Variants in MXRA7 observed in about 807,000 individuals in gnomAD.
MXRA7 encodes the protein matrix remodeling associated 7.
A neutral mutation model predicts 17.4 loss-of-function variants in MXRA7; 18 were observed. That is an observed-to-expected ratio of 1.03 (90% confidence interval 0.71 to 1.53). The LOEUF (loss-of-function observed/expected upper bound fraction) is 1.53, where lower values mean the gene tolerates loss of function less well. Ranked by LOEUF, MXRA7 falls within the 40% of genes most tolerant of loss-of-function variation. The pLI is 0.00. For missense variants in MXRA7, 141 were observed against 209.3 expected, an observed-to-expected ratio of 0.67 and a Z score of 2.01; for synonymous variants, 70 against 101.7, an observed-to-expected ratio of 0.69 and a Z score of 1.87.
intron 1 of MXRA7, among the ~76,000 whole-genome samples, chr17:76,704,061 C>T (rs140136399): frequency 0.021 from 3,219 of 151,306 alleles, 115 homozygotes; most frequent in East Asian, 0.13. Flanking sequence ...TAAGATTGTG[C>T]CACTGCGCTC....
chr17:76,680,588 C>T lies in MXRA7; in HGVS notation c.*279G>A. 8.3e-7 allele frequency: 1 copy of T among 1,203,198 alleles called. No individual in the cohort carries two copies. Among genetic ancestry groups the T allele is most frequent in the Non-Finnish European group, 1.0e-6 (1 of 967,024 alleles). 74.5% of individuals were successfully genotyped at this position (1,203,198 alleles called of 1,614,324 possible). A position where few individuals can be genotyped will look rare whatever the true frequency, so the allele number is the denominator to read the frequency against. On this transcript the variant is annotated 3_prime_UTR_variant, in exon 4 of 4. Coordinates refer to ENST00000449428, the MANE Select transcript of MXRA7 (RefSeq NM_198530.4). ...TTGAGTGGTAAGAAAAATCCCAGTCCAGGGTCTGAGCTCTACCTCTTAAAA... is the reference window on the plus strand; with the variant it reads ...TTGAGTGGTAAGAAAAATCCCAGTCTAGGGTCTGAGCTCTACCTCTTAAAA...
intron 2 of MXRA7, among the ~76,000 whole-genome samples, chr17:76,686,697 G>A (rs561831142): frequency 1.1e-4 from 16 of 152,330 alleles, no homozygotes; most frequent in African/African-American, 3.1e-4. Context: ...GACGGGGGAG[G>A]TTTCTTCCTC....
In MXRA7 at chr17:76,689,807, G is replaced by A. The variant is rs983345922; in HGVS notation, c.343-1631C>T. 5 of 152,016 alleles carry A rather than the reference G, an allele frequency of 3.3e-5. No individual in the cohort carries two copies. In the East Asian group the frequency reaches 7.7e-4, roughly 23 times the overall value. The allele number at this position is 152,016 out of a possible 1,614,324, so 9.4% of individuals were successfully genotyped here. ...GGATCAGCTGAGGTTGGGAATTCGA[G>A]ACCAGCCTGGCCAACATGGCAAAAC... On this transcript the variant is annotated intron_variant, in intron 1 of 3. Coordinates refer to ENST00000449428, the MANE Select transcript of MXRA7 (RefSeq NM_198530.4).
At chr17:76,694,416 G>A (rs999907810) in intron 1 of MXRA7, among the ~76,000 whole-genome samples, 19 of 152,090 alleles carry the variant, frequency 1.2e-4, no homozygotes, top group African/African-American at 4.3e-4. Flanking sequence ...CTGAAGTCAA[G>A]GGTTGGATAG....
chr17:76,675,076 C>T (rs1166561450), downstream of MXRA7: 6 of 152,194 alleles, frequency 3.9e-5, no homozygotes. Context: ...TTGTTTAAGC[C>T]AGTTGAGCTG....
At chr17:76,691,431 G>T (rs1178957834) in intron 1 of MXRA7, among the ~76,000 whole-genome samples, 1 of 152,190 alleles carries the variant, frequency 6.6e-6, no homozygotes, top group Non-Finnish European at 1.5e-5. Flanking sequence ...TCAACTTGAG[G>T]AGGGGTTCAT....
intron 1 of MXRA7, chr17:76,688,617 G>A: frequency 1.6e-6 from 2 of 1,246,614 alleles, no homozygotes; most frequent in Non-Finnish European, 2.0e-6. Context: ...CTTCTATGTT[G>A]TTTTCCATCC....
chr17:76,683,659 C>T (rs963096206), intron 3 of MXRA7, among the ~76,000 whole-genome samples: 9 of 152,246 alleles, frequency 5.9e-5, no homozygotes, highest in Non-Finnish European at 1.3e-4. Context: ...CCTCTGCCCC[C>T]AGACGGGGCC....
intron 1 of MXRA7, among the ~76,000 whole-genome samples, chr17:76,699,448 C>T (rs1429829183): frequency 6.6e-6 from 1 of 152,048 alleles, no homozygotes; most frequent in Non-Finnish European, 1.5e-5. Context: ...ACCCAGCCCT[C>T]ATCCAGCTTT....
chr17:76,683,234 G>T (rs1386868508), intron 3 of MXRA7, among the ~76,000 whole-genome samples: 1 of 152,242 alleles, frequency 6.6e-6, no homozygotes, highest in African/African-American at 2.4e-5. Context: ...GATTTGGGGG[G>T]CTGTGTGGTC....
intron 1 of MXRA7, among the ~76,000 whole-genome samples, chr17:76,701,724 G>A (rs2076593304): frequency 6.6e-6 from 1 of 152,092 alleles, no homozygotes; most frequent in African/African-American, 2.4e-5. Flanking sequence ...GTTCCTGCGA[G>A]GAGCCGACCC....
intron 1 of MXRA7, chr17:76,688,451 G>A (rs973753391): frequency 2.2e-6 from 3 of 1,354,298 alleles, no homozygotes; most frequent in Non-Finnish European, 1.9e-6. Context: ...GTGGGTGCCT[G>A]TTGAGGCTTC....
intron 1 of MXRA7, among the ~76,000 whole-genome samples, chr17:76,693,329 G>A (rs1291751350): frequency 6.6e-6 from 1 of 152,022 alleles, no homozygotes; most frequent in Non-Finnish European, 1.5e-5. Flanking sequence ...TTAGTTGGGT[G>A]TGGTGGTGCA....
chr17:76,703,344 G>A (rs1349117805), intron 1 of MXRA7, among the ~76,000 whole-genome samples: 1 of 152,158 alleles, frequency 6.6e-6, no homozygotes, highest in Non-Finnish European at 1.5e-5. Context: ...CTGAAGGGTT[G>A]GGCACAGTGG....
At chr17:76,699,011 G>A (rs974917448) in intron 1 of MXRA7, among the ~76,000 whole-genome samples, 11 of 150,632 alleles carry the variant, frequency 7.3e-5, no homozygotes, top group African/African-American at 9.8e-5. Context: ...GTGAGTCACC[G>A]CGCCCAGCCC....
intron 1 of MXRA7, among the ~76,000 whole-genome samples, chr17:76,697,912 A>G (rs1455515863): frequency 6.7e-6 from 1 of 149,250 alleles, no homozygotes; most frequent in Non-Finnish European, 1.5e-5. Flanking sequence ...GAGGGGAGAG[A>G]AGAGAGGGAT....
chr17:76,684,873 CA>C (rs1275161730), intron 3 of MXRA7, among the ~76,000 whole-genome samples, 198 bp downstream of exon 3: 1 of 152,132 alleles, frequency 6.6e-6, no homozygotes, highest in Non-Finnish European at 1.5e-5. Flanking sequence ...GGAGGGGTGC[CA>C]GGGGTGTGCG....
chr17:76,677,719 A>G, downstream of MXRA7: 1 of 1,593,770 alleles, frequency 6.3e-7, no homozygotes, highest in Middle Eastern at 1.7e-4. Context: ...AGAAGAAAGG[A>G]CAAAGAGGAA....
At chr17:76,703,524 G>A (rs1294164025) in intron 1 of MXRA7, 2 of 152,256 alleles carry the variant, frequency 1.3e-5, no homozygotes, top group East Asian at 3.8e-4. Context: ...GGCGGCTGAG[G>A]TAGGAGGATG....
Sources: gnomAD v4.1 joint callset for allele counts (sites outside exome capture counted in the v4.1 genomes callset) on GRCh38, gnomAD v4.1.1 for gene constraint, MANE v1.5 for transcripts, NCBI Gene and HGNC (gene_info 2026-07-23, HGNC 2026-07-21) for gene names.